The following METAP1D variants were observed in gnomAD, a reference collection of about 807,000 sequenced individuals.
The protein encoded by METAP1D is methionyl aminopeptidase type 1D, mitochondrial, also known as methionine aminopeptidase 1D, mitochondrial.
METAP1D carries 31 observed loss-of-function variants against 40.5 expected under a neutral mutation model. The observed-to-expected ratio is 0.77, with a 90% CI of 0.58 to 1.03. METAP1D has a LOEUF of 1.03. Among genes scored for constraint, METAP1D ranks in the 50% least tolerant of loss-of-function variants. The pLI is 0.00. For missense variants in METAP1D, 411 were observed against 420.7 expected, an observed-to-expected ratio of 0.98 and a Z score of 0.20; for synonymous variants, 151 against 146.4, an observed-to-expected ratio of 1.03 and a Z score of -0.22.
At chr2:172,002,312 G>T (rs1688485311) in intron 1 of METAP1D, among the ~76,000 whole-genome samples, 1 of 151,826 alleles carries the variant, frequency 6.6e-6, no homozygotes, top group South Asian at 2.1e-4. Context: ...ATATGTATTA[G>T]GTTGGTACAA....
At chr2:172,033,721 G>A (rs1306863278) in intron 1 of METAP1D, among the ~76,000 whole-genome samples, 2 of 151,970 alleles carry the variant, frequency 1.3e-5, no homozygotes, top group Non-Finnish European at 2.9e-5. Flanking sequence ...TAAAATATTT[G>A]ATGGTACTAA....
At chr2:172,024,873 T>A (rs1689091472) in intron 1 of METAP1D, among the ~76,000 whole-genome samples, 1 of 152,098 alleles carries the variant, frequency 6.6e-6, no homozygotes, top group African/African-American at 2.4e-5. Context: ...ATATATTTTT[T>A]AATTAGGCCA....
In METAP1D at chr2:172,042,470, CAT is replaced by C. The variant is rs1271033703; in HGVS notation, c.41-19025_41-19024del. 3.6e-4 allele frequency among the ~76,000 whole-genome samples: 14 copies of C among 39,374 alleles called. 7 individuals carry two copies. The highest frequency in any genetic ancestry group is 9.5e-5 in the Non-Finnish European group (2 of 21,164). The allele number at this position is 39,374 out of a possible 152,430, so 25.8% of individuals were successfully genotyped here. A position where few individuals can be genotyped will look rare whatever the true frequency, so the allele number is the denominator to read the frequency against. On this transcript the variant is annotated intron_variant, in intron 1 of 9. Coordinates refer to ENST00000315796, the MANE Select transcript of METAP1D (RefSeq NM_199227.3). ...ACATGCGTACATATATACATATATA[CAT>C]ATGTGTGTGTACATGTGTACATATA... is the stretch of plus-strand genomic sequence containing the variant.
At chr2:172,066,792 T>C (rs905412147) in intron 5 of METAP1D, among the ~76,000 whole-genome samples, 2 of 152,250 alleles carry the variant, frequency 1.3e-5, no homozygotes, top group Non-Finnish European at 2.9e-5. Context: ...CATTGGCCTG[T>C]GTATGTCAGT....
At chr2:172,020,514 C>T (rs1219718475) in intron 1 of METAP1D, among the ~76,000 whole-genome samples, 2 of 152,122 alleles carry the variant, frequency 1.3e-5, no homozygotes, top group Non-Finnish European at 2.9e-5. Flanking sequence ...ACCCTTATTT[C>T]ATTTAACAGT....
intron 1 of METAP1D, among the ~76,000 whole-genome samples, chr2:172,002,046 GAAA>G (rs370838286): frequency 1.5e-5 from 2 of 134,742 alleles, no homozygotes; most frequent in Non-Finnish European, 1.6e-5. Context: ...GTAGTGAGCT[GAAA>G]AAAAAAAAAA....
chr2:172,040,547 A>T (rs1437047184), intron 1 of METAP1D, among the ~76,000 whole-genome samples: 1 of 152,178 alleles, frequency 6.6e-6, no homozygotes, highest in African/African-American at 2.4e-5. Flanking sequence ...ATTTTAAGAC[A>T]TACTGCTACT....
intron 1 of METAP1D, among the ~76,000 whole-genome samples, chr2:172,010,446 CTTT>C (rs35703486): frequency 8.5e-6 from 1 of 117,774 alleles, no homozygotes; most frequent in Non-Finnish European, 1.6e-5. Flanking sequence ...GCACCCAGCC[CTTT>C]TTTTTTTTTT....
At chr2:172,040,679 T>C (rs1234917991) in intron 1 of METAP1D, among the ~76,000 whole-genome samples, 1 of 152,182 alleles carries the variant, frequency 6.6e-6, no homozygotes, top group Non-Finnish European at 1.5e-5. Flanking sequence ...TGATCTCTTT[T>C]ACTGTTACAA....
At chr2:172,067,316 A>G (rs1690306572) in intron 5 of METAP1D, among the ~76,000 whole-genome samples, 1 of 152,240 alleles carries the variant, frequency 6.6e-6, no homozygotes, top group Non-Finnish European at 1.5e-5. Flanking sequence ...TGGGAATGAG[A>G]TAAAAATAGG....
chr2:172,076,319 TAA>T (rs59857607), intron 6 of METAP1D, among the ~76,000 whole-genome samples: 157 of 146,066 alleles, frequency 1.1e-3, no homozygotes, highest in African/African-American at 3.4e-3. Flanking sequence ...ACTGTTCCTG[TAA>T]AAAAAAAAAA....
intron 1 of METAP1D, among the ~76,000 whole-genome samples, chr2:172,019,891 G>A (rs1320253107): frequency 6.6e-6 from 1 of 152,112 alleles, no homozygotes; most frequent in Non-Finnish European, 1.5e-5. Context: ...TAGACTATAA[G>A]TTACTTGAAC....
intron 1 of METAP1D, among the ~76,000 whole-genome samples, chr2:172,045,664 GA>G (rs35609681): frequency 0.5 from 23,535 of 46,902 alleles, 5,331 homozygotes; most frequent in East Asian, 0.66. Flanking sequence ...TCCGTCTCAG[GA>G]AAAAAAAAAA....
chr2:172,019,661 C>T (rs576861067), intron 1 of METAP1D, among the ~76,000 whole-genome samples: 1 of 152,176 alleles, frequency 6.6e-6, no homozygotes, highest in South Asian at 2.1e-4. Context: ...CGGCCTCTTC[C>T]GTCAAGCCTT....
At chr2:172,048,960 A>C (rs553494519) in intron 1 of METAP1D, among the ~76,000 whole-genome samples, 1 of 152,232 alleles carries the variant, frequency 6.6e-6, no homozygotes, top group African/African-American at 2.4e-5. Flanking sequence ...GGGTGGTTTT[A>C]ATTTTTAACG....
At chr2:172,043,163 A>C (rs1263392732) in intron 1 of METAP1D, among the ~76,000 whole-genome samples, 1 of 128,764 alleles carries the variant, frequency 7.8e-6, no homozygotes, top group Non-Finnish European at 1.8e-5. Flanking sequence ...GCTGGTCTCA[A>C]ACTCCTGAGC....
intron 1 of METAP1D, among the ~76,000 whole-genome samples, chr2:172,016,330 T>TATAA (rs1553490411): frequency 2.8e-4 from 21 of 75,836 alleles, no homozygotes; most frequent in African/African-American, 8.1e-4. Context: ...TATATATATA[T>TATAA]AAATAGTCCA....
intron 1 of METAP1D, among the ~76,000 whole-genome samples, chr2:172,000,522 G>A (rs1688435884): frequency 1.3e-5 from 2 of 152,210 alleles, no homozygotes; most frequent in Non-Finnish European, 2.9e-5. Context: ...TCCTGCGTGA[G>A]TGTTGAGATT....
intron 1 of METAP1D, among the ~76,000 whole-genome samples, chr2:172,042,269 A>G (rs1473644104): frequency 1.2e-3 from 7 of 5,812 alleles, no homozygotes; most frequent in African/African-American, 8.9e-3. Context: ...ATATACATAT[A>G]TACATATATA....
Sources: allele counts gnomAD v4.1 joint callset (sites outside exome capture counted in the v4.1 genomes callset), GRCh38; gene constraint gnomAD v4.1.1; transcripts MANE v1.5; gene names NCBI Gene and HGNC (gene_info 2026-07-23, HGNC 2026-07-21).